AQR: variants seen among roughly 807,000 people sequenced by gnomAD.
AQR encodes the protein aquarius intron-binding spliceosomal factor.
AQR carries 61 observed loss-of-function variants against 180.5 expected under a neutral mutation model. The observed-to-expected ratio is 0.34, with a 90% confidence interval of 0.28 to 0.42. AQR has a LOEUF of 0.42. AQR is among the 10% of genes least tolerant of loss of function. The pLI is 1.00. For missense variants in AQR, 1,281 were observed against 1,798.3 expected, an observed-to-expected ratio of 0.71 and a Z score of 5.20; for synonymous variants, 551 against 588.8, an observed-to-expected ratio of 0.94 and a Z score of 0.93.
intron 11 of AQR, 138 bp from the exon 12 acceptor site, chr15:34,930,509 G>T (rs1595800983): frequency 1.4e-5 from 8 of 552,688 alleles, no homozygotes; most frequent in Non-Finnish European, 2.6e-5. Flanking sequence ...TTACAAAAAA[G>T]ATTTTAGAAC....
Position 34,964,276 on chromosome 15 carries a change from G to A in AQR, c.90C>T (p.Tyr30=), listed in dbSNP as rs371290183. The stretch of plus-strand genomic sequence containing the variant: ...ATTTCTTCTTGATGTGGGGAGCCCA[G>A]TATTTACATGCTAACTGCAAAGTAA... ...AEFVTQLACK[Y]WAPHIKKKSP... Residue 30 remains tyrosine (Y), a synonymous_variant, in exon 2 of 35, where the codon TAC becomes TAT. Coordinates refer to ENST00000156471, the MANE Select transcript of AQR (RefSeq NM_014691.3). The A allele has an allele frequency of 6.8e-6, 11 of 1,607,358 alleles. No individual in the cohort carries two copies. The African/African-American group carries it at 1.3e-4, about 20-fold the overall frequency.
chr15:34,952,662 C>T (rs1431443091), intron 4 of AQR, among the ~76,000 whole-genome samples: 1 of 152,198 alleles, frequency 6.6e-6, no homozygotes, highest in Non-Finnish European at 1.5e-5. Flanking sequence ...CACATGCTAG[C>T]TTAACAAGTA....
At chr15:34,874,586 C>G in intron 29 of AQR, 91 bp downstream of exon 29, 1 of 1,483,802 alleles carries the variant, frequency 6.7e-7, no homozygotes, top group Non-Finnish European at 9.2e-7. Context: ...GCCAAGAATG[C>G]TAATAGTCTA....
At chr15:34,942,154 A>G in intron 6 of AQR, 74 bp from the exon 7 acceptor site, 1 of 1,148,532 alleles carries the variant, frequency 8.7e-7, no homozygotes, top group East Asian at 2.5e-5. Flanking sequence ...TAAGAAGTAT[A>G]CTGCCTTTTT....
intron 10 of AQR, 29 bp from the exon 11 acceptor site, chr15:34,932,463 G>C: frequency 6.9e-7 from 1 of 1,451,534 alleles, no homozygotes; most frequent in Non-Finnish European, 9.4e-7. Flanking sequence ...ATAACAGTAA[G>C]TTTGCATCTA....
intron 6 of AQR, among the ~76,000 whole-genome samples, chr15:34,942,811 A>C (rs1894046364): frequency 6.6e-6 from 1 of 152,260 alleles, no homozygotes; most frequent in South Asian, 2.1e-4. Flanking sequence ...ATGGTTCAGC[A>C]TTAGCTCATT....
chr15:34,918,400 C>A, intron 14 of AQR, 22 bp from the exon 15 acceptor site: 1 of 1,608,934 alleles, frequency 6.2e-7, no homozygotes, highest in Non-Finnish European at 8.5e-7. Flanking sequence ...GAAACAAGTT[C>A]ATGCAGAAGG....
chr15:34,890,031 T>C (rs1025231073), intron 24 of AQR, among the ~76,000 whole-genome samples, 184 bp downstream of exon 24: 7 of 152,176 alleles, frequency 4.6e-5, no homozygotes, highest in Non-Finnish European at 8.8e-5. Flanking sequence ...GGCATAACCA[T>C]ACACAACTGG....
At chr15:34,961,558 C>A (rs1386312237) in intron 2 of AQR, among the ~76,000 whole-genome samples, 3 of 125,322 alleles carry the variant, frequency 2.4e-5, no homozygotes, top group Non-Finnish European at 4.7e-5. Context: ...TGCAGTGAGT[C>A]AAGATCGCGC....
chr15:34,906,725 AAAGAC>A lies in AQR; in HGVS notation c.1664-18_1664-14del. 6.2e-7 allele frequency: 1 copy of A among 1,600,106 alleles called. No individual in the cohort carries two copies. Among genetic ancestry groups the A allele is most frequent in the Non-Finnish European group, 8.5e-7 (1 of 1,173,428 alleles). ...TGCTTACGAAGACCTGGTAAGATATAAAGACATTTTCATTTATTAGAATTTCATTG... is the reference window on the plus strand; with the variant it reads ...TGCTTACGAAGACCTGGTAAGATATAATTTTCATTTATTAGAATTTCATTG... On this transcript the variant is annotated splice_polypyrimidine_tract_variant and intron_variant, in intron 17 of 34. Coordinates refer to ENST00000156471, the MANE Select transcript of AQR (RefSeq NM_014691.3).
At chr15:34,863,245 T>C (rs1222905728) in intron 32 of AQR, 1 of 476,754 alleles carries the variant, frequency 2.1e-6, no homozygotes, top group Non-Finnish European at 3.7e-6. Context: ...TAACCTCTTG[T>C]TGGTTTTTTG....
At chr15:34,868,768 CT>C (rs1184370002) in intron 31 of AQR, 2 of 152,096 alleles carry the variant, frequency 1.3e-5, no homozygotes, top group East Asian at 3.9e-4. Flanking sequence ...AGGATATATT[CT>C]TTTGTGTCCT....
At chr15:34,946,312 G>A (rs948662009) in intron 5 of AQR, among the ~76,000 whole-genome samples, 6 of 152,194 alleles carry the variant, frequency 3.9e-5, no homozygotes, top group Non-Finnish European at 8.8e-5. Flanking sequence ...TATAATGTAA[G>A]CATCTGTCTT....
intron 6 of AQR, among the ~76,000 whole-genome samples, chr15:34,942,431 C>G (rs1338642079): frequency 2.6e-5 from 4 of 152,208 alleles, no homozygotes; most frequent in Admixed American, 1.3e-4. Context: ...ATTCTCAGCT[C>G]TCATACTGTA....
At chr15:34,934,530 C>T (rs1055720868) in intron 10 of AQR, 41 bp downstream of exon 10, 9 of 1,480,388 alleles carry the variant, frequency 6.1e-6, no homozygotes, top group Middle Eastern at 2.3e-4. Context: ...CTTAGACCCC[C>T]TAATGATTAT....
chr15:34,873,036 T>A (rs549394513), intron 30 of AQR, among the ~76,000 whole-genome samples: 1 of 152,208 alleles, frequency 6.6e-6, no homozygotes, highest in South Asian at 2.1e-4. Context: ...TAATATAGCA[T>A]AAACATTCTT....
At chr15:34,881,166 T>C (rs1892967657) in intron 27 of AQR, among the ~76,000 whole-genome samples, 1 of 152,182 alleles carries the variant, frequency 6.6e-6, no homozygotes, top group African/African-American at 2.4e-5. Flanking sequence ...CAAAGTATAT[T>C]TTATATGTCA....
rs201286385 is a variant in AQR, at chr15:34,876,048, C to T, written c.3166-42G>A. ...CTTGTCATAAAGACAGCTTAAAAGT[C>T]AAACAACTACCATCATAAACATAAT... On this transcript the variant is annotated intron_variant, in intron 27 of 34. Transcript: ENST00000156471. The T allele has an allele frequency of 1.6e-3, 2,216 of 1,402,698 alleles. 3 individuals are homozygous for T. The highest frequency in any genetic ancestry group is 2.2e-3 in the South Asian group (184 of 84,642). 86.9% of individuals were successfully genotyped at this position (1,402,698 alleles called of 1,614,324 possible). A position where few individuals can be genotyped will look rare whatever the true frequency, so the allele number is the denominator to read the frequency against.
chr15:34,935,074 T>TAC (rs200655970), intron 9 of AQR, among the ~76,000 whole-genome samples: 12 of 151,978 alleles, frequency 7.9e-5, no homozygotes, highest in African/African-American at 1.4e-4. Context: ...TACGTATATG[T>TAC]ACACACACAC....
Sources: allele counts gnomAD v4.1 joint callset (sites outside exome capture counted in the v4.1 genomes callset), GRCh38; gene constraint gnomAD v4.1.1; transcripts MANE v1.5; gene names NCBI Gene and HGNC (gene_info 2026-07-23, HGNC 2026-07-21).